Variants in SEZ6L2 observed in about 807,000 individuals in gnomAD.
SEZ6L2 encodes the protein seizure related 6 homolog like 2.
A neutral mutation model predicts 97.0 loss-of-function variants in SEZ6L2; 44 were observed. The observed-to-expected ratio is 0.45, with a 90% CI of 0.36 to 0.58. The LOEUF is 0.58. Among genes scored for constraint, SEZ6L2 ranks in the 20% least tolerant of loss-of-function variants. The pLI, the probability that SEZ6L2 is intolerant of heterozygous loss-of-function variation, is 0.00. For missense variants in SEZ6L2, 1,086 were observed against 1,233.3 expected (o/e 0.88, Z 1.79); for synonymous variants, 543 against 546.1 (o/e 0.99, Z 0.08).
chr16:29,897,846 G>C lies in SEZ6L2; in HGVS notation c.211+7C>G. 1 of 1,598,242 alleles carries C rather than the reference G, an allele frequency of 6.3e-7. No individual in the cohort carries two copies. Among genetic ancestry groups the C allele is most frequent in the South Asian group, 1.1e-5 (1 of 89,636 alleles). ...CTAGGCCACTCCTGCCACTCTGGGG[G>C]CCTCACCTGGCAGGTAGCCCATCTC... On this transcript the variant is annotated splice_region_variant and intron_variant, in intron 2 of 17. Transcript: ENST00000617533.
At chr16:29,878,511 C>T in intron 9 of SEZ6L2, 86 bp from the exon 10 acceptor site, 1 of 1,082,574 alleles carries the variant, frequency 9.2e-7, no homozygotes, top group Non-Finnish European at 1.2e-6. Context: ...GTGATGCGTG[C>T]ACCACATCAC....
intron 9 of SEZ6L2, among the ~76,000 whole-genome samples, chr16:29,879,418 T>C (rs1262476078): frequency 6.6e-6 from 1 of 151,466 alleles, no homozygotes; most frequent in Non-Finnish European, 1.5e-5. Flanking sequence ...AGAGACAGGG[T>C]TTCTCCATGT....
chr16:29,896,730 T>G, intron 3 of SEZ6L2, 92 bp downstream of exon 3: 1 of 1,091,822 alleles, frequency 9.2e-7, no homozygotes, highest in Non-Finnish European at 1.4e-6. Flanking sequence ...TACCCAGGAC[T>G]CCTTCCACAG....
chr16:29,888,409 G>A (rs1310576294), intron 6 of SEZ6L2, 131 bp downstream of exon 6: 2 of 885,648 alleles, frequency 2.3e-6, no homozygotes, highest in Admixed American at 2.8e-5. Flanking sequence ...CCCAGGATGG[G>A]GACTCCTCAG....
In SEZ6L2 at chr16:29,879,853, G is replaced by A; in HGVS notation, c.1573+11C>T. 2 of 1,581,364 alleles carry A rather than the reference G, an allele frequency of 1.3e-6. No homozygotes were observed. Among genetic ancestry groups the A allele is most frequent in the Non-Finnish European group, 1.7e-6 (2 of 1,159,834 alleles). ...GGACTGAAGGACATGCCTGCGACAA[G>A]GAAGGCTCACCTTTGCAGGCCGGCT... On this transcript the variant is annotated intron_variant, in intron 9 of 17. Coordinates refer to ENST00000617533, the MANE Select transcript of SEZ6L2 (RefSeq NM_001243332.2).
chr16:29,878,244 C>A lies in SEZ6L2; in HGVS notation c.1712+43G>T, dbSNP rs770186804. 7 of 1,524,700 alleles carry A rather than the reference C, an allele frequency of 4.6e-6. No homozygotes were observed. The Admixed American group carries it at 1.1e-4, about 25-fold the overall frequency. 94.4% of individuals were successfully genotyped at this position (1,524,700 alleles called of 1,614,324 possible). A position where few individuals can be genotyped will look rare whatever the true frequency, so the allele number is the denominator to read the frequency against. On this transcript the variant is annotated intron_variant, in intron 10 of 17. Transcript: ENST00000617533. ...TACTGCATTGGCATACCACACTTTG[C>A]TGAGCCTACACCCGTCGCACCCTCT...
rs1413494217 is a variant in SEZ6L2 at position 29,897,047 on chromosome 16, T to C, written c.286A>G (p.Thr96Ala). The C allele has an allele frequency of 1.8e-5, 29 of 1,580,602 alleles. No individual in the cohort carries two copies. Among genetic ancestry groups the C allele is most frequent in the Non-Finnish European group, 2.4e-5 (28 of 1,170,540 alleles). ...GTCAGAGGCCCTGTCCCCGGCTCAG[T>C]GGCCCGTGGCAGGGAGGGCACTGCG... ...TLAVPSLPRATEPGTGPLTTA... is the reference protein window; with the variant it reads ...TLAVPSLPRAAEPGTGPLTTA... Residue 96 changes from threonine to alanine, a missense_variant, in exon 3 of 18, where the codon ACT (threonine) becomes GCT (alanine). Physicochemically the swap from Thr to Ala is moderately conservative, Grantham distance 58. Around this residue, in one of 2 missense-constraint regions of SEZ6L2, gnomAD observed 776 missense variants for 794.7 expected, o/e 0.98. Transcript: ENST00000617533.
At chr16:29,885,862 G>C (rs1468969957) in intron 7 of SEZ6L2, 113 bp from the exon 8 acceptor site, 2 of 1,010,172 alleles carry the variant, frequency 2.0e-6, no homozygotes, top group African/African-American at 3.2e-5. Flanking sequence ...ATAACTATAT[G>C]CCACGCACTC....
rs762298078 is a variant in SEZ6L2, at chr16:29,885,798, G to C, written c.1209-49C>G. 5 of 1,566,594 alleles carry C rather than the reference G, an allele frequency of 3.2e-6. No individual in the cohort carries two copies. The Admixed American group carries it at 5.3e-5, about 17-fold the overall frequency. ...AGGAGCTCAATCTCCCTCACAAGCT[G>C]CCTCACCCCTTGCCTGCTTTCCTAA... On this transcript the variant is annotated intron_variant, in intron 7 of 17. Transcript: ENST00000617533.
At chr16:29,893,740 T>C (rs2068322743) in intron 5 of SEZ6L2, among the ~76,000 whole-genome samples, 1 of 152,158 alleles carries the variant, frequency 6.6e-6, no homozygotes, top group Non-Finnish European at 1.5e-5. Flanking sequence ...AGGCTCTTTA[T>C]GGTCTGAATC....
Position 29,899,081 on chromosome 16 carries a change from T to C in SEZ6L2, c.-62A>G. ...TAAGTAATCTGGCTGCCACCTTTCC[T>C]CCGTCTCCGTTTATCTTTCCCTTTA... On this transcript the variant is annotated 5_prime_UTR_variant, in exon 1 of 18. Transcript: ENST00000617533. 1.0e-5 allele frequency: 9 copies of C among 884,662 alleles called. No individual in the cohort carries two copies. Among genetic ancestry groups the C allele is most frequent in the Non-Finnish European group, 1.6e-5 (9 of 570,196 alleles). The allele number at this position is 884,662 out of a possible 1,614,324, so 54.8% of individuals were successfully genotyped here. A position where few individuals can be genotyped will look rare whatever the true frequency, so the allele number is the denominator to read the frequency against.
intron 2 of SEZ6L2, 51 bp downstream of exon 2, chr16:29,897,802 C>T (rs2068437540): frequency 1.3e-6 from 2 of 1,551,582 alleles, no homozygotes; most frequent in African/African-American, 1.4e-5. Flanking sequence ...TCCCTGAGCC[C>T]ATATCCCTCC....
chr16:29,872,351 C>T, intron 16 of SEZ6L2, 58 bp downstream of exon 16: 1 of 1,602,412 alleles, frequency 6.2e-7, no homozygotes, highest in Non-Finnish European at 8.5e-7. Flanking sequence ...ACCCAGGCTC[C>T]AGTGCCAGGC....
intron 2 of SEZ6L2, 50 bp from the exon 3 acceptor site, chr16:29,897,171 C>A: frequency 7.0e-7 from 1 of 1,434,978 alleles, no homozygotes. Context: ...CATGGAGGAC[C>A]TTGGGTGGGG....
At chr16:29,890,743 CTTTTTTTTTT>C (rs71143763) in intron 5 of SEZ6L2, among the ~76,000 whole-genome samples, 2 of 74,360 alleles carry the variant, frequency 2.7e-5, no homozygotes, top group Non-Finnish European at 4.7e-5. Flanking sequence ...TAACCATTGT[CTTTTTTTTTT>C]TTTTTTTTTT....
At chr16:29,877,649 G>T (rs146200442) in intron 10 of SEZ6L2, among the ~76,000 whole-genome samples, 182 bp from the exon 11 acceptor site, 44 of 152,284 alleles carry the variant, frequency 2.9e-4, no homozygotes, top group African/African-American at 8.9e-4. Flanking sequence ...CTATGCTAGT[G>T]CCTCAGGGTT....
intron 1 of SEZ6L2, among the ~76,000 whole-genome samples, chr16:29,898,513 G>T (rs1476576457): frequency 6.6e-6 from 1 of 151,954 alleles, no homozygotes; most frequent in Non-Finnish European, 1.5e-5. Flanking sequence ...CTGGCTGGGG[G>T]TCAGAGTGGG....
In SEZ6L2 at chr16:29,899,110, GTTTTTTTTT is replaced by G. The variant is rs556364210; in HGVS notation, c.-100_-92del. 52 of 501,608 alleles carry G rather than the reference GTTTTTTTTT, an allele frequency of 1.0e-4. No homozygotes were observed. The highest frequency in any genetic ancestry group is 3.6e-4 in the African/African-American group (13 of 36,048). The allele number at this position is 501,608 out of a possible 1,614,324, so 31.1% of individuals were successfully genotyped here. The stretch of plus-strand genomic sequence containing the variant: ...TCTCCGTTTATCTTTCCCTTTAATT[GTTTTTTTTT>G]TTTTTTTTTTTTTCCTCGTAGGAGT... On this transcript the variant is annotated 5_prime_UTR_variant, in exon 1 of 18. Coordinates refer to ENST00000617533, the MANE Select transcript of SEZ6L2 (RefSeq NM_001243332.2).
At chr16:29,888,519 C>T (rs1476931725) in intron 6 of SEZ6L2, 21 bp downstream of exon 6, 3 of 1,609,682 alleles carry the variant, frequency 1.9e-6, no homozygotes, top group Middle Eastern at 1.7e-4. Flanking sequence ...GATGCCCCAC[C>T]CACTGTGGCA....
Sources: gnomAD v4.1 joint callset for allele counts (sites outside exome capture counted in the v4.1 genomes callset) on GRCh38, gnomAD v4.1.1 for gene constraint, gnomAD v4.1.1 regional missense constraint, MANE v1.5 for transcripts, NCBI Gene and HGNC (gene_info 2026-07-23, HGNC 2026-07-21) for gene names.